The following ZMYM4 variants were observed in gnomAD, a reference collection of about 807,000 sequenced individuals.
The protein encoded by ZMYM4 is zinc finger MYM-type protein 4.
ZMYM4 carries 31 observed loss-of-function variants against 183.2 expected under a neutral mutation model. The ratio of observed to expected loss-of-function variants is 0.17; its 90% CI spans 0.13 to 0.23. ZMYM4 has a LOEUF of 0.23. ZMYM4 is among the 10% of genes least tolerant of loss of function. ZMYM4 has a pLI of 1.00. For synonymous variants in ZMYM4, 592 were observed against 631.2 expected (o/e 0.94, Z 0.93); for missense variants, 1,273 against 1,840.3 (o/e 0.69, Z 5.64).
Position 35,393,679 on chromosome 1 carries a change from A to G in ZMYM4, c.2851A>G (p.Ile951Val), listed in dbSNP as rs1035251640. 11 of 1,612,374 alleles carry G rather than the reference A, an allele frequency of 6.8e-6. No individual in the cohort carries two copies. Among genetic ancestry groups the G allele is most frequent in the Admixed American group, 6.7e-5 (4 of 59,946 alleles). Residue 951 changes from isoleucine to valine, a missense_variant, in exon 18 of 30, where the codon ATC becomes GTC. By Grantham distance (29) the Ile-to-Val change is conservative. Coordinates refer to ENST00000314607, the MANE Select transcript of ZMYM4 (RefSeq NM_005095.3). ...GAACAAAGCTTTATTATGCAAACCC[A>G]TCACACAGACTAAAGCCACCTCTTG... Reference protein sequence around the residue: ...LKNKALLCKPITQTKATSCKP... With the variant: ...LKNKALLCKPVTQTKATSCKP...
At chr1:35,385,741 CTTAT>C (rs1644561536) in intron 10 of ZMYM4, 149 bp downstream of exon 10, 1 of 961,986 alleles carries the variant, frequency 1.0e-6, no homozygotes, top group Non-Finnish European at 1.4e-6. Context: ...ACCTTGATTG[CTTAT>C]TTATTTACTT....
chr1:35,382,135 A>G (rs1570485486), intron 9 of ZMYM4, among the ~76,000 whole-genome samples: 1 of 149,510 alleles, frequency 6.7e-6, no homozygotes, highest in Non-Finnish European at 1.5e-5. Flanking sequence ...ACAAGAGTGA[A>G]ACTCCGTCTC....
chr1:35,288,805 T>A (rs1451057516), intron 1 of ZMYM4, among the ~76,000 whole-genome samples: 1 of 152,196 alleles, frequency 6.6e-6, no homozygotes. Flanking sequence ...TTTTTTCCTT[T>A]CTTCCAAAGA....
intron 1 of ZMYM4, among the ~76,000 whole-genome samples, chr1:35,279,375 A>T (rs531025546): frequency 1.3e-5 from 2 of 152,216 alleles, no homozygotes; most frequent in East Asian, 1.9e-4. Flanking sequence ...AGACGAGAGG[A>T]TTCTTCACAG....
intron 7 of ZMYM4, among the ~76,000 whole-genome samples, chr1:35,374,948 T>C (rs1644303094): frequency 1.3e-5 from 2 of 152,194 alleles, no homozygotes; most frequent in Admixed American, 1.3e-4. Context: ...TCAATTGCTC[T>C]TTAAGATTAT....
chr1:35,333,211 T>G (rs1642829506), intron 2 of ZMYM4, among the ~76,000 whole-genome samples: 1 of 152,118 alleles, frequency 6.6e-6, no homozygotes, highest in African/African-American at 2.4e-5. Flanking sequence ...ATTAACTATT[T>G]CCAGTAATAC....
chr1:35,276,455 A>G (rs1639882281), intron 1 of ZMYM4, among the ~76,000 whole-genome samples: 1 of 152,214 alleles, frequency 6.6e-6, no homozygotes, highest in African/African-American at 2.4e-5. Context: ...CGACCTAACA[A>G]AAGAGTTCCT....
chr1:35,409,764 A>G (rs932353030), intron 26 of ZMYM4, among the ~76,000 whole-genome samples: 7 of 151,924 alleles, frequency 4.6e-5, no homozygotes, highest in Middle Eastern at 3.4e-3. Context: ...ACATGGTGAA[A>G]CCCTGTCTCT....
intron 7 of ZMYM4, among the ~76,000 whole-genome samples, chr1:35,378,657 G>A (rs1644385374): frequency 6.6e-6 from 1 of 152,160 alleles, no homozygotes; most frequent in Non-Finnish European, 1.5e-5. Flanking sequence ...AGCTATGTTA[G>A]CCCCTAACAA....
chr1:35,323,931 C>T (rs141602124), intron 1 of ZMYM4, among the ~76,000 whole-genome samples: 65 of 152,184 alleles, frequency 4.3e-4, no homozygotes, highest in Admixed American at 3.9e-3. Context: ...GGTGGAGTGA[C>T]CTTCACTATT....
rs745307865 is a variant in ZMYM4 at position 35,385,515 on chromosome 1, A to G, written c.1643A>G (p.Asn548Ser). The G allele has an allele frequency of 1.1e-5, 18 of 1,613,588 alleles. No homozygotes were observed. The highest frequency in any genetic ancestry group is 2.2e-5 in the East Asian group (1 of 44,786). Reference protein sequence around the residue: ...RSSAEMIENTNSLGKTELFCS... With the variant: ...RSSAEMIENTSSLGKTELFCS... ...TCAGCAGAAATGATTGAAAATACCA[A>G]TAGCTTGGGGAAGACAGAGCTTTTC... Residue 548 changes from asparagine to serine, a missense_variant, in exon 10 of 30, where the codon AAT becomes AGT. Asn to Ser is a conservative substitution (Grantham distance 46). Coordinates refer to ENST00000314607, the MANE Select transcript of ZMYM4 (RefSeq NM_005095.3).
intron 1 of ZMYM4, among the ~76,000 whole-genome samples, chr1:35,307,571 G>C (rs1641593746): frequency 7.2e-6 from 1 of 138,020 alleles, no homozygotes; most frequent in Non-Finnish European, 1.5e-5. Flanking sequence ...GTCTTGCTCT[G>C]TCGCCCAGGC....
chr1:35,408,207 C>T, intron 26 of ZMYM4, 48 bp downstream of exon 26: 1 of 1,602,266 alleles, frequency 6.2e-7, no homozygotes, highest in Non-Finnish European at 8.5e-7. Flanking sequence ...ATCCATTGAC[C>T]AGAATATGTC....
At chr1:35,417,610 A>G (rs1056460159) in intron 28 of ZMYM4, among the ~76,000 whole-genome samples, 1 of 152,064 alleles carries the variant, frequency 6.6e-6, no homozygotes, top group Non-Finnish European at 1.5e-5. Context: ...GGCTGTGGCA[A>G]GAGGATCACT....
intron 3 of ZMYM4, among the ~76,000 whole-genome samples, chr1:35,359,878 C>G (rs1353160462): frequency 6.7e-6 from 1 of 148,286 alleles, no homozygotes; most frequent in African/African-American, 2.5e-5. Context: ...TAACTCTCAC[C>G]TCTATCTGAA....
At chr1:35,293,543 C>T (rs1402122171) in intron 1 of ZMYM4, among the ~76,000 whole-genome samples, 1 of 152,104 alleles carries the variant, frequency 6.6e-6, no homozygotes, top group East Asian at 1.9e-4. Flanking sequence ...TGTTGAACTC[C>T]TGACCTCAGG....
chr1:35,386,453 C>G (rs1309185498), intron 11 of ZMYM4, among the ~76,000 whole-genome samples: 1 of 152,084 alleles, frequency 6.6e-6, no homozygotes, highest in Non-Finnish European at 1.5e-5. Context: ...AGGTGCTACA[C>G]TTTTAAACAA....
chr1:35,277,034 T>C (rs1258200779), intron 1 of ZMYM4, among the ~76,000 whole-genome samples: 1 of 152,234 alleles, frequency 6.6e-6, no homozygotes, highest in East Asian at 1.9e-4. Flanking sequence ...ATCCTTGTTA[T>C]GGTATTTAAC....
At chr1:35,378,786 T>C (rs1450022231) in intron 7 of ZMYM4, among the ~76,000 whole-genome samples, 1 of 152,226 alleles carries the variant, frequency 6.6e-6, no homozygotes. Flanking sequence ...GAGAATCTTA[T>C]TTAGTGTAGC....
Sources: gnomAD v4.1 joint callset for allele counts (sites outside exome capture counted in the v4.1 genomes callset) on GRCh38, gnomAD v4.1.1 for gene constraint, MANE v1.5 for transcripts, NCBI Gene and HGNC (gene_info 2026-07-23, HGNC 2026-07-21) for gene names.